The following DCC variants were observed in gnomAD, a reference collection of about 807,000 sequenced individuals.
DCC encodes DCC netrin 1 receptor, also known as netrin receptor DCC.
A neutral mutation model predicts 172.5 loss-of-function variants in DCC; 58 were observed. The observed-to-expected ratio is 0.34, with a 90% confidence interval of 0.27 to 0.42. The LOEUF is 0.42. Ranked by LOEUF, DCC falls within the 10% of genes least tolerant of loss-of-function variation. The pLI is 1.00. For synonymous variants in DCC, 709 were observed against 644.5 expected (o/e 1.10, Z -1.52); for missense variants, 1,740 against 1,791.0 (o/e 0.97, Z 0.51).
At chr18:53,254,187 A>G (rs182761802) in intron 12 of DCC, among the ~76,000 whole-genome samples, 22 of 152,194 alleles carry the variant, frequency 1.4e-4, no homozygotes, top group African/African-American at 5.1e-4. Context: ...TAGCGTAAAT[A>G]AAAAGTCATC....
intron 7 of DCC, among the ~76,000 whole-genome samples, chr18:53,114,383 C>T (rs968604174): frequency 6.6e-6 from 1 of 151,548 alleles, no homozygotes; most frequent in Non-Finnish European, 1.5e-5. Flanking sequence ...GCATAATGCA[C>T]TCTCCTGAGT....
Position 53,099,939 on chromosome 18 carries a change from C to CTTTTTTTTTTTTTTTTTTTTTTTTTTT in DCC, c.1261+33776_1261+33777insTTTTTTTTTTTTTTTTTTTTTTTTTTT, listed in dbSNP as rs200213348. On this transcript the variant is annotated intron_variant, in intron 7 of 28. Transcript: ENST00000442544. ...AAGAGACTTTTCTTTTCTTTTCTTT[C>CTTTTTTTTTTTTTTTTTTTTTTTTTTT]TTTCTTTTTTTTTTTTTTTTTGTTT... Among the ~76,000 whole-genome samples, 11 of 87,186 alleles carry CTTTTTTTTTTTTTTTTTTTTTTTTTTT rather than the reference C, an allele frequency of 1.3e-4. 2 individuals carry two copies. The highest frequency in any genetic ancestry group is 4.2e-4 in the African/African-American group (8 of 18,846). 57.2% of individuals were successfully genotyped at this position (87,186 alleles called of 152,430 possible). A position where few individuals can be genotyped will look rare whatever the true frequency, so the allele number is the denominator to read the frequency against.
intron 5 of DCC, chr18:52,965,113 G>A (rs1179095149): frequency 6.6e-6 from 1 of 152,112 alleles, no homozygotes; most frequent in Non-Finnish European, 1.5e-5. Flanking sequence ...CAGCTACAAA[G>A]TTCCTTTCAC....
intron 1 of DCC, among the ~76,000 whole-genome samples, chr18:52,710,693 AAAAAGTGGTT>A (rs1830545650): frequency 6.6e-6 from 1 of 152,232 alleles, no homozygotes; most frequent in South Asian, 2.1e-4. Flanking sequence ...CAGCAAACAA[AAAAAGTGGTT>A]AAAAGGTATT....
intron 3 of DCC, among the ~76,000 whole-genome samples, chr18:52,908,007 T>C (rs1225447533): frequency 1.3e-5 from 2 of 152,206 alleles, no homozygotes; most frequent in Non-Finnish European, 2.9e-5. Context: ...GCCTACTTTC[T>C]CTTTTAGCCG....
At position 52,927,079 on chromosome 18, in the gene DCC, G is replaced by GTATATATACGTATATACGTGTA. The variant is rs1555682800; in HGVS notation, c.985+1715_985+1716insTACGTATATACGTGTATATATA. 3.1e-4 allele frequency among the ~76,000 whole-genome samples: 34 copies of GTATATATACGTATATACGTGTA among 108,184 alleles called. 7 individuals carry two copies. Among genetic ancestry groups the GTATATATACGTATATACGTGTA allele is most frequent in the East Asian group, 7.7e-4 (3 of 3,884 alleles). 71.0% of individuals were successfully genotyped at this position (108,184 alleles called of 152,430 possible). ...TACACATATATACACACATATATGT[G>GTATATATACGTATATACGTGTA]TATATACACGTATATACGTGTATAT... On this transcript the variant is annotated intron_variant, in intron 5 of 28. Transcript: ENST00000442544.
intron 1 of DCC, among the ~76,000 whole-genome samples, chr18:52,660,963 A>G (rs775732947): frequency 3.9e-5 from 6 of 152,174 alleles, no homozygotes; most frequent in Non-Finnish European, 8.8e-5. Context: ...CATGACCTCA[A>G]TATATAAGTT....
intron 5 of DCC, among the ~76,000 whole-genome samples, chr18:53,055,472 T>G (rs572675086): frequency 6.6e-6 from 1 of 152,244 alleles, no homozygotes; most frequent in Admixed American, 6.5e-5. Context: ...AGAAAATGCT[T>G]AGAATGAAAT....
intron 5 of DCC, among the ~76,000 whole-genome samples, chr18:52,992,984 T>C (rs865969715): frequency 7.6e-6 from 1 of 131,118 alleles, no homozygotes; most frequent in African/African-American, 2.9e-5. Flanking sequence ...GTCTCAAATT[T>C]AAAAAAAAAA....
At chr18:53,375,697 TCTGATGTAAAGCTTTA>T (rs2058103608) in intron 15 of DCC, among the ~76,000 whole-genome samples, 1 of 151,926 alleles carries the variant, frequency 6.6e-6, no homozygotes, top group Non-Finnish European at 1.5e-5. Flanking sequence ...TGGTTAATTT[TCTGATGTAAAGCTTTA>T]CTGAAAAATC....
intron 1 of DCC, among the ~76,000 whole-genome samples, chr18:52,715,913 TCTGAGTTCTGTGAACTCAGGTTAGGC>T (rs138703630): frequency 1.6e-4 from 24 of 151,930 alleles, no homozygotes; most frequent in Non-Finnish European, 3.2e-4. Context: ...TCTCCTTCTA[TCTGAGTTCTGTGAACTCAGGTTAGGC>T]CTGAGTTCAC....
intron 1 of DCC, among the ~76,000 whole-genome samples, chr18:52,599,078 A>T (rs565555195): frequency 6.6e-6 from 1 of 152,314 alleles, no homozygotes; most frequent in South Asian, 2.1e-4. Flanking sequence ...TTTGCAGAGG[A>T]TGTGAACAGT....
chr18:53,095,473 G>A (rs940359358), intron 7 of DCC, among the ~76,000 whole-genome samples: 2 of 152,184 alleles, frequency 1.3e-5, no homozygotes, highest in Admixed American at 1.3e-4. Context: ...CAATAATTTA[G>A]TAGCTTAAAC....
chr18:52,906,768 GAT>G (rs576939707), intron 3 of DCC, among the ~76,000 whole-genome samples: 1 of 151,432 alleles, frequency 6.6e-6, no homozygotes. Flanking sequence ...GATACATATA[GAT>G]ATATATATGT....
intron 21 of DCC, among the ~76,000 whole-genome samples, chr18:53,418,665 C>T (rs1430121781): frequency 6.6e-6 from 1 of 152,000 alleles, no homozygotes. Context: ...GAAAGTGAGA[C>T]CAGTTTTGAT....
chr18:52,730,808 G>A (rs1456740445), intron 1 of DCC, among the ~76,000 whole-genome samples: 1 of 152,138 alleles, frequency 6.6e-6, no homozygotes, highest in Non-Finnish European at 1.5e-5. Context: ...AAGTTCACTG[G>A]TTCTGATAAA....
At chr18:53,271,458 G>A (rs935485757) in intron 12 of DCC, among the ~76,000 whole-genome samples, 1 of 152,166 alleles carries the variant, frequency 6.6e-6, no homozygotes, top group Non-Finnish European at 1.5e-5. Context: ...GCTGTCTCAA[G>A]TTATGAATAG....
intron 1 of DCC, among the ~76,000 whole-genome samples, chr18:52,501,108 C>T (rs1320111532): frequency 6.6e-6 from 1 of 152,112 alleles, no homozygotes; most frequent in Admixed American, 6.6e-5. Context: ...GTGAGAGCAT[C>T]TTTATTTGAA....
intron 13 of DCC, among the ~76,000 whole-genome samples, chr18:53,318,333 G>A (rs1377507436): frequency 6.6e-6 from 1 of 152,212 alleles, no homozygotes; most frequent in East Asian, 1.9e-4. Flanking sequence ...TGGTTGCACT[G>A]TGGTCTAAGA....
Sources: allele counts gnomAD v4.1 joint callset (sites outside exome capture counted in the v4.1 genomes callset), GRCh38; gene constraint gnomAD v4.1.1; transcripts MANE v1.5; gene names NCBI Gene and HGNC (gene_info 2026-07-23, HGNC 2026-07-21).